Variants in NOX4 observed in about 807,000 individuals in gnomAD.
The protein encoded by NOX4 is NADPH oxidase 4.
NOX4 carries 69 observed loss-of-function variants against 87.6 expected under a neutral mutation model. That is an observed-to-expected ratio of 0.79 (90% CI 0.65 to 0.96). The LOEUF (loss-of-function observed/expected upper bound fraction) is 0.96, where lower values mean the gene tolerates loss of function less well. NOX4 is among the 40% of genes least tolerant of loss of function. The probability of loss-of-function intolerance (pLI) is 0.00; values close to 1 mark genes in which losing one functional copy is unlikely to be tolerated. For synonymous variants in NOX4, 275 were observed against 238.2 expected (o/e 1.15, Z -1.42); for missense variants, 680 against 681.5 (o/e 1.00, Z 0.02).
rs760722003 is a variant in NOX4 at position 89,355,003 on chromosome 11, G to T, written c.1176C>A (p.Asp392Glu). 2.0e-5 allele frequency: 32 copies of T among 1,603,146 alleles called. No homozygotes were observed. The highest frequency in any genetic ancestry group is 2.7e-5 in the African/African-American group (2 of 74,596). ...RDLLLPPSSQDSEILPFIQSR... is the reference protein window; with the variant it reads ...RDLLLPPSSQESEILPFIQSR... Reference sequence around the variant, plus strand: ...ATTGAATGAAGGGCAGAATTTCGGAGTCTTGACTAGATGGAGGCAGTAGTA... The same window carrying T: ...ATTGAATGAAGGGCAGAATTTCGGATTCTTGACTAGATGGAGGCAGTAGTA... Residue 392 changes from aspartate to glutamate, a missense_variant, in exon 13 of 18, where the codon GAC becomes GAA. By Grantham distance (45) the Asp-to-Glu change is conservative. Coordinates refer to ENST00000263317, the MANE Select transcript of NOX4 (RefSeq NM_016931.5).
At chr11:89,514,581 AG>A in the NOX4 span, among the ~76,000 whole-genome samples, 1 of 152,002 alleles carries the variant, frequency 6.6e-6, no homozygotes, top group African/African-American at 2.4e-5. Context: ...TCCTGATCAT[AG>A]GGGAAGAGCA....
At chr11:89,417,448 A>C (rs1469262876) in intron 8 of NOX4, among the ~76,000 whole-genome samples, 1 of 152,152 alleles carries the variant, frequency 6.6e-6, no homozygotes, top group East Asian at 1.9e-4. Flanking sequence ...CCTCCCAAAA[A>C]GGTATATTAA....
chr11:89,458,795 T>G (rs913645964), intron 2 of NOX4, among the ~76,000 whole-genome samples: 17 of 151,978 alleles, frequency 1.1e-4, no homozygotes, highest in African/African-American at 4.1e-4. Flanking sequence ...ATTAAAAAGT[T>G]AAAAAATAAC....
rs16913170 is a variant in NOX4 at position 89,357,342 on chromosome 11, C to T, written c.1136-2299G>A. 7.2e-3 allele frequency among the ~76,000 whole-genome samples: 1,089 copies of T among 151,998 alleles called. 14 individuals carry two copies. The highest frequency in any genetic ancestry group is 0.025 in the African/African-American group (1,019 of 41,472). ...CCAAAAAAATACTCTGTGTTTTTCT[C>T]GAATTATACTCTTTTAGTTCACATT... On this transcript the variant is annotated intron_variant, in intron 12 of 17. Transcript: ENST00000263317.
chr11:89,545,900 T>C, the NOX4 span, among the ~76,000 whole-genome samples: 759 of 152,270 alleles, frequency 5.0e-3, 3 homozygotes, highest in African/African-American at 0.01. Flanking sequence ...AGCACCTGTC[T>C]GATATGGAAA....
chr11:89,407,148 T>C (rs1942231830), intron 8 of NOX4, among the ~76,000 whole-genome samples: 1 of 152,158 alleles, frequency 6.6e-6, no homozygotes, highest in Non-Finnish European at 1.5e-5. Flanking sequence ...TCTAGTGAAT[T>C]GATTTTAAAA....
At chr11:89,399,935 T>A in intron 11 of NOX4, 82 bp downstream of exon 11, 1 of 929,504 alleles carries the variant, frequency 1.1e-6, no homozygotes. Context: ...TTGAATACCT[T>A]TTAGAATGAG....
At chr11:89,571,499 A>G in the NOX4 span, among the ~76,000 whole-genome samples, 68 of 151,948 alleles carry the variant, frequency 4.5e-4, no homozygotes, top group Admixed American at 7.9e-4. Context: ...ATTTCACCAC[A>G]TTGGCCAGGC....
the NOX4 span, among the ~76,000 whole-genome samples, chr11:89,585,310 T>C: frequency 6.6e-6 from 1 of 152,112 alleles, no homozygotes; most frequent in Non-Finnish European, 1.5e-5. Flanking sequence ...CTCTTAAAAT[T>C]CACCAGACCT....
chr11:89,441,199 G>A (rs962806176), intron 5 of NOX4, among the ~76,000 whole-genome samples: 2 of 152,152 alleles, frequency 1.3e-5, no homozygotes, highest in African/African-American at 2.4e-5. Context: ...AGAGCTTTCT[G>A]TGTTTCAAAT....
intron 6 of NOX4, among the ~76,000 whole-genome samples, chr11:89,438,543 TATA>T (rs1235514261): frequency 1.1e-4 from 10 of 90,496 alleles, no homozygotes; most frequent in Admixed American, 2.0e-4. Context: ...ACACACTATA[TATA>T]ATAATATACT....
chr11:89,583,687 C>T, the NOX4 span, among the ~76,000 whole-genome samples: 1 of 152,102 alleles, frequency 6.6e-6, no homozygotes, highest in African/African-American at 2.4e-5. Context: ...GGAAAAACTT[C>T]TGTCATTACT....
the NOX4 span, among the ~76,000 whole-genome samples, chr11:89,540,718 G>A: frequency 6.9e-6 from 1 of 145,152 alleles, no homozygotes; most frequent in African/African-American, 2.6e-5. Context: ...AACGCGGGAG[G>A]CGCAGCTTGC....
chr11:89,498,798 A>T (rs2135509805), upstream of NOX4: 1 of 152,448 alleles, frequency 6.6e-6, no homozygotes, highest in Non-Finnish European at 1.5e-5. Flanking sequence ...TGGATAACAC[A>T]CAGGATTGTG....
chr11:89,433,501 C>T (rs1419696726), intron 6 of NOX4, among the ~76,000 whole-genome samples: 1 of 152,024 alleles, frequency 6.6e-6, no homozygotes. Flanking sequence ...CCCTCATGCT[C>T]TCCTTCCTCT....
the NOX4 span, among the ~76,000 whole-genome samples, chr11:89,509,365 T>C: frequency 6.6e-6 from 1 of 152,086 alleles, no homozygotes; most frequent in Non-Finnish European, 1.5e-5. Context: ...GGGGTCTCTC[T>C]GTCTCCCTGT....
At chr11:89,392,607 A>G (rs1941207242) in intron 11 of NOX4, among the ~76,000 whole-genome samples, 1 of 152,194 alleles carries the variant, frequency 6.6e-6, no homozygotes, top group Non-Finnish European at 1.5e-5. Flanking sequence ...GGCTATCCTC[A>G]TGTCATTTTA....
At chr11:89,456,095 G>T in intron 2 of NOX4, among the ~76,000 whole-genome samples, 1 of 151,954 alleles carries the variant, frequency 6.6e-6, no homozygotes. Flanking sequence ...CCAACATAAA[G>T]AAATGATAAA....
chr11:89,423,899 A>G (rs977428840), intron 7 of NOX4, among the ~76,000 whole-genome samples: 4 of 151,932 alleles, frequency 2.6e-5, no homozygotes, highest in African/African-American at 9.7e-5. Context: ...ACGAAAAAAT[A>G]AATACAATTA....
Sources: allele counts gnomAD v4.1 joint callset (sites outside exome capture counted in the v4.1 genomes callset), GRCh38; gene constraint gnomAD v4.1.1; transcripts MANE v1.5; gene names NCBI Gene and HGNC (gene_info 2026-07-23, HGNC 2026-07-21).